SYNDIG1: variants seen among roughly 807,000 people sequenced by gnomAD.
The protein encoded by SYNDIG1 is synapse differentiation inducing 1.
SYNDIG1 carries 9 observed loss-of-function variants against 19.4 expected under a neutral mutation model. That is an observed-to-expected ratio of 0.46 (90% CI 0.28 to 0.81). The LOEUF (loss-of-function observed/expected upper bound fraction) is 0.81. Among genes scored for constraint, SYNDIG1 ranks in the 30% least tolerant of loss-of-function variants. The pLI is 0.12. For synonymous variants in SYNDIG1, 141 were observed against 145.9 expected, an observed-to-expected ratio of 0.97 and a Z score of 0.24; for missense variants, 311 against 343.3, an observed-to-expected ratio of 0.91 and a Z score of 0.74.
intron 3 of SYNDIG1, among the ~76,000 whole-genome samples, chr20:24,647,328 T>C (rs6049828): frequency 0.65 from 98,503 of 152,066 alleles, 32,984 homozygotes; most frequent in African/African-American, 0.82. Context: ...CCTGTTTCCC[T>C]GGAGCTGACA....
At chr20:24,476,801 AC>A (rs1225854644) in intron 1 of SYNDIG1, among the ~76,000 whole-genome samples, 1 of 152,134 alleles carries the variant, frequency 6.6e-6, no homozygotes, top group Non-Finnish European at 1.5e-5. Flanking sequence ...CTTGGTAAGG[AC>A]CCTGCAGCCT....
In SYNDIG1 at chr20:24,619,187, G is replaced by C. The variant is rs527466148; in HGVS notation, c.618+34194G>C. Among the ~76,000 whole-genome samples the C allele has an allele frequency of 2.6e-5, 4 of 152,330 alleles. No individual in the cohort carries two copies. The South Asian group carries it at 8.3e-4, about 32-fold the overall frequency. On this transcript the variant is annotated intron_variant, in intron 3 of 3. Transcript: ENST00000376862. ...ATGCCTATGTTAAGCCTGTGTGTCT[G>C]ACTTAGTGGAACCCTCAGCCCTCAG...
intron 3 of SYNDIG1, among the ~76,000 whole-genome samples, chr20:24,620,347 G>A (rs77449878): frequency 0.027 from 4,047 of 152,234 alleles, 180 homozygotes; most frequent in African/African-American, 0.091. Context: ...CCAAGGCTGG[G>A]GGGTGACCTG....
intron 3 of SYNDIG1, among the ~76,000 whole-genome samples, chr20:24,631,494 A>G (rs1239358634): frequency 6.6e-6 from 1 of 152,232 alleles, no homozygotes; most frequent in Non-Finnish European, 1.5e-5. Context: ...CTCAAATTCA[A>G]CATTCCTCAT....
intron 3 of SYNDIG1, among the ~76,000 whole-genome samples, chr20:24,621,291 T>C (rs1171173563): frequency 6.6e-6 from 1 of 152,180 alleles, no homozygotes; most frequent in African/African-American, 2.4e-5. Flanking sequence ...GCTTATCTAT[T>C]TACTTTTGCT....
Position 24,573,733 on chromosome 20 carries a change from G to A in SYNDIG1, c.481-11123G>A, listed in dbSNP as rs764068167. On this transcript the variant is annotated intron_variant, in intron 2 of 3. Coordinates refer to ENST00000376862, the MANE Select transcript of SYNDIG1 (RefSeq NM_024893.3). ...GATGAGGTTTCTCATCCTGCATGAC[G>A]TATTCGTCATGTGTCTGTCACCTCC... Among the ~76,000 whole-genome samples the A allele has an allele frequency of 7.2e-5, 11 of 152,276 alleles. No homozygotes were observed. In the East Asian group the frequency reaches 9.7e-4, roughly 13 times the overall value.
At chr20:24,617,251 C>G (rs1414377327) in intron 3 of SYNDIG1, among the ~76,000 whole-genome samples, 2 of 152,176 alleles carry the variant, frequency 1.3e-5, no homozygotes, top group African/African-American at 4.8e-5. Flanking sequence ...CACCGAACCT[C>G]CGTGCTCCTG....
intron 3 of SYNDIG1, among the ~76,000 whole-genome samples, chr20:24,653,708 C>T (rs1568718024): frequency 6.6e-6 from 1 of 152,228 alleles, no homozygotes; most frequent in African/African-American, 2.4e-5. Context: ...AACAAAATGC[C>T]AGACTGAGTG....
chr20:24,634,971 G>A (rs985752535), intron 3 of SYNDIG1, among the ~76,000 whole-genome samples: 2 of 152,234 alleles, frequency 1.3e-5, no homozygotes, highest in Admixed American at 6.5e-5. Context: ...GTGTCTCCCA[G>A]GCATCATCGG....
chr20:24,513,016 G>C (rs1026968431), intron 1 of SYNDIG1, among the ~76,000 whole-genome samples: 1 of 152,108 alleles, frequency 6.6e-6, no homozygotes, highest in African/African-American at 2.4e-5. Flanking sequence ...AGGCAAACAG[G>C]GTCTGGAGTG....
chr20:24,631,169 G>T (rs1369975824), intron 3 of SYNDIG1, among the ~76,000 whole-genome samples: 1 of 152,252 alleles, frequency 6.6e-6, no homozygotes, highest in Non-Finnish European at 1.5e-5. Flanking sequence ...AGAGGCTGTG[G>T]CCTAGAAGGC....
At chr20:24,598,720 G>A (rs2058634049) in intron 3 of SYNDIG1, among the ~76,000 whole-genome samples, 1 of 152,142 alleles carries the variant, frequency 6.6e-6, no homozygotes, top group Admixed American at 6.5e-5. Context: ...TTTTTCCCAT[G>A]GAAACATTTT....
chr20:24,632,411 T>C (rs1214684793), intron 3 of SYNDIG1, among the ~76,000 whole-genome samples: 4 of 152,126 alleles, frequency 2.6e-5, no homozygotes, highest in Admixed American at 2.0e-4. Context: ...GGCTGAATTT[T>C]GTATTTTCAG....
chr20:24,587,706 G>A (rs915020598), intron 3 of SYNDIG1, among the ~76,000 whole-genome samples: 5 of 152,236 alleles, frequency 3.3e-5, no homozygotes, highest in African/African-American at 1.2e-4. Context: ...CCTCTCTGCC[G>A]CAGTGGCCAG....
chr20:24,556,473 C>T (rs1166689881), intron 2 of SYNDIG1, among the ~76,000 whole-genome samples: 2 of 152,104 alleles, frequency 1.3e-5, no homozygotes, highest in Admixed American at 6.6e-5. Flanking sequence ...TTAGTGCTTC[C>T]TTCAGGAGCT....
intron 3 of SYNDIG1, among the ~76,000 whole-genome samples, chr20:24,616,461 C>A (rs1239168028): frequency 6.6e-6 from 1 of 152,240 alleles, no homozygotes; most frequent in African/African-American, 2.4e-5. Context: ...AGCTCCCATT[C>A]CAGACAGGGC....
At chr20:24,624,979 CTT>C (rs763509706) in intron 3 of SYNDIG1, among the ~76,000 whole-genome samples, 1 of 152,172 alleles carries the variant, frequency 6.6e-6, no homozygotes, top group East Asian at 1.9e-4. Flanking sequence ...TCAAGGAAAA[CTT>C]AAGAATATTT....
chr20:24,492,644 C>CCCCCTCCA (rs1221251326), intron 1 of SYNDIG1, among the ~76,000 whole-genome samples: 1 of 152,158 alleles, frequency 6.6e-6, no homozygotes, highest in Non-Finnish European at 1.5e-5. Flanking sequence ...CCCACAACCG[C>CCCCCTCCA]CCCCTCCACC....
chr20:24,559,833 C>T (rs914777773), intron 2 of SYNDIG1, among the ~76,000 whole-genome samples: 9 of 152,064 alleles, frequency 5.9e-5, no homozygotes, highest in African/African-American at 2.2e-4. Context: ...AATAAGACAT[C>T]AGTTGTCCTG....
Sources: gnomAD v4.1 joint callset for allele counts (sites outside exome capture counted in the v4.1 genomes callset) on GRCh38, gnomAD v4.1.1 for gene constraint, MANE v1.5 for transcripts, NCBI Gene and HGNC (gene_info 2026-07-23, HGNC 2026-07-21) for gene names.